The following GNAQ variants were observed in gnomAD, a reference collection of about 807,000 sequenced individuals.
GNAQ encodes guanine nucleotide-binding protein G(q) subunit alpha.
GNAQ carries 8 observed loss-of-function variants against 43.9 expected under a neutral mutation model. The observed-to-expected ratio is 0.18, with a 90% CI of 0.11 to 0.33. The LOEUF (loss-of-function observed/expected upper bound fraction) is 0.33, where lower values mean the gene tolerates loss of function less well. Ranked by LOEUF, GNAQ falls within the 10% of genes least tolerant of loss-of-function variation. The probability of loss-of-function intolerance (pLI) is 1.00; values close to 1 mark genes in which losing one functional copy is unlikely to be tolerated. For synonymous variants in GNAQ, 155 were observed against 170.7 expected (o/e 0.91, Z 0.71); for missense variants, 158 against 450.8 (o/e 0.35, Z 5.88).
At chr9:77,984,049 CAAAAAAAAAAAAAAA>C (rs72279886) in intron 1 of GNAQ, among the ~76,000 whole-genome samples, 3 of 67,980 alleles carry the variant, frequency 4.4e-5, no homozygotes, top group African/African-American at 5.6e-5. Flanking sequence ...TTTTGGAGAG[CAAAAAAAAAAAAAAA>C]AAAAAAAAAA....
chr9:77,998,406 T>C (rs879422864), intron 1 of GNAQ, among the ~76,000 whole-genome samples: 1 of 152,238 alleles, frequency 6.6e-6, no homozygotes, highest in African/African-American at 2.4e-5. Context: ...CATTGCCTAA[T>C]GCTGAACAGC....
chr9:77,930,886 A>G (rs1279376378), intron 1 of GNAQ, among the ~76,000 whole-genome samples: 5 of 152,100 alleles, frequency 3.3e-5, no homozygotes, highest in Admixed American at 3.3e-4. Flanking sequence ...GCCGCACAGC[A>G]AGAGAGTGGC....
intron 5 of GNAQ, among the ~76,000 whole-genome samples, chr9:77,780,166 T>G (rs1303654721): frequency 6.6e-6 from 1 of 151,940 alleles, no homozygotes; most frequent in Non-Finnish European, 1.5e-5. Flanking sequence ...TTTCAAAATA[T>G]ATAACATTTT....
At chr9:77,821,270 C>T (rs1461629485) in intron 2 of GNAQ, among the ~76,000 whole-genome samples, 5 of 151,992 alleles carry the variant, frequency 3.3e-5, no homozygotes, top group Non-Finnish European at 1.5e-5. Context: ...AACTACAATT[C>T]TCCTCTTGGT....
intron 1 of GNAQ, among the ~76,000 whole-genome samples, chr9:78,030,016 T>A (rs569363866): frequency 2.5e-4 from 38 of 152,308 alleles, no homozygotes; most frequent in Admixed American, 4.6e-4. Context: ...ATCAATAAAT[T>A]TCTATTTGAG....
intron 2 of GNAQ, among the ~76,000 whole-genome samples, chr9:77,856,507 G>C (rs1271922924): frequency 6.6e-6 from 1 of 152,120 alleles, no homozygotes; most frequent in Non-Finnish European, 1.5e-5. Flanking sequence ...AATAATATCA[G>C]TATTTCATAC....
chr9:78,015,031 AC>A (rs546967893), intron 1 of GNAQ, among the ~76,000 whole-genome samples: 110 of 152,252 alleles, frequency 7.2e-4, no homozygotes, highest in Admixed American at 1.2e-3. Flanking sequence ...CATGTCCTAG[AC>A]CCTCACATTC....
chr9:77,972,514 C>G (rs911222725), intron 1 of GNAQ, among the ~76,000 whole-genome samples: 9 of 152,040 alleles, frequency 5.9e-5, no homozygotes, highest in African/African-American at 2.2e-4. Context: ...ATGTGAAAAA[C>G]CCAACAGCTT....
At chr9:77,977,463 CA>C (rs1823316286) in intron 1 of GNAQ, among the ~76,000 whole-genome samples, 1 of 152,016 alleles carries the variant, frequency 6.6e-6, no homozygotes, top group Non-Finnish European at 1.5e-5. Context: ...GAAAAAAAAA[CA>C]ACAGCAGCTA....
chr9:77,820,147 C>CTA (rs1472471794), intron 2 of GNAQ, among the ~76,000 whole-genome samples: 3 of 149,450 alleles, frequency 2.0e-5, no homozygotes, highest in Non-Finnish European at 4.4e-5. Flanking sequence ...GTACAAATAC[C>CTA]TACTAGATTC....
intron 5 of GNAQ, among the ~76,000 whole-genome samples, chr9:77,754,271 A>C (rs1171028285): frequency 6.6e-6 from 1 of 152,110 alleles, no homozygotes; most frequent in African/African-American, 2.4e-5. Flanking sequence ...CTGCATTCTG[A>C]CTGCCATTTT....
Position 77,723,715 on chromosome 9 carries a change from A to G in GNAQ, c.890-2202T>C, listed in dbSNP as rs550700071. The stretch of plus-strand genomic sequence containing the variant: ...ACAAATATTGTATGCTTGCACACAT[A>G]TGACGTACTTAGAATTGGTAAACTC... On this transcript the variant is annotated intron_variant, in intron 6 of 6. Coordinates refer to ENST00000286548, the MANE Select transcript of GNAQ (RefSeq NM_002072.5). Among the ~76,000 whole-genome samples, 226 of 152,248 alleles carry G rather than the reference A, an allele frequency of 1.5e-3. 1 individual carries two copies. Among genetic ancestry groups the G allele is most frequent in the Non-Finnish European group, 2.5e-3 (167 of 68,042 alleles).
chr9:77,857,872 GTTT>G lies in GNAQ; in HGVS notation c.322-42105_322-42103del, dbSNP rs34145434. Among the ~76,000 whole-genome samples, 12 of 146,314 alleles carry G rather than the reference GTTT, an allele frequency of 8.2e-5. No homozygotes were observed. The East Asian group carries it at 1.6e-3, about 20-fold the overall frequency. On this transcript the variant is annotated intron_variant, in intron 2 of 6. Coordinates refer to ENST00000286548, the MANE Select transcript of GNAQ (RefSeq NM_002072.5). ...AAAACATTTTGAGAAGGCAATAAAGGTTTTTTTTTTTTTCCAGTTCTGAATTGA... is the reference window on the plus strand; with the variant it reads ...AAAACATTTTGAGAAGGCAATAAAGGTTTTTTTTTTCCAGTTCTGAATTGA...
intron 2 of GNAQ, among the ~76,000 whole-genome samples, chr9:77,862,795 T>C (rs1325097446): frequency 2.0e-5 from 3 of 152,262 alleles, no homozygotes; most frequent in South Asian, 4.1e-4. Context: ...TGTCAGACTA[T>C]AAATTTTCTG....
rs530715179 is a variant in GNAQ at position 77,958,546 on chromosome 9, T to C, written c.137-36201A>G. On this transcript the variant is annotated intron_variant, in intron 1 of 6. Coordinates refer to ENST00000286548, the MANE Select transcript of GNAQ (RefSeq NM_002072.5). Reference sequence around the variant, plus strand: ...TAGAAAATTGACAGAATGTAAGAATTGTTATACATAAAACTGACAAATATT... The same window carrying C: ...TAGAAAATTGACAGAATGTAAGAATCGTTATACATAAAACTGACAAATATT... Among the ~76,000 whole-genome samples, 5 of 152,364 alleles carry C rather than the reference T, an allele frequency of 3.3e-5. No individual in the cohort carries two copies. The South Asian group carries it at 1.0e-3, about 32-fold the overall frequency.
intron 2 of GNAQ, among the ~76,000 whole-genome samples, chr9:77,907,951 G>A (rs528510789): frequency 6.6e-6 from 1 of 152,096 alleles, no homozygotes; most frequent in East Asian, 1.9e-4. Flanking sequence ...TCAAGTATAC[G>A]AGCTGCCTTT....
At chr9:77,880,073 T>C (rs1247123918) in intron 2 of GNAQ, among the ~76,000 whole-genome samples, 4 of 152,218 alleles carry the variant, frequency 2.6e-5, no homozygotes, top group Admixed American at 6.5e-5. Context: ...TATCTCATAA[T>C]TGATGGTATT....
At chr9:77,894,269 A>C (rs1828450824) in intron 2 of GNAQ, among the ~76,000 whole-genome samples, 1 of 142,418 alleles carries the variant, frequency 7.0e-6, no homozygotes, top group African/African-American at 2.6e-5. Flanking sequence ...GTCATAAAAG[A>C]AGCAGTATTG....
At chr9:77,759,403 T>G (rs1281607742) in intron 5 of GNAQ, among the ~76,000 whole-genome samples, 1 of 117,236 alleles carries the variant, frequency 8.5e-6, no homozygotes, top group Non-Finnish European at 1.9e-5. Context: ...TCAAAATGAC[T>G]TTTCATAAGG....
Sources: allele counts gnomAD v4.1 joint callset (sites outside exome capture counted in the v4.1 genomes callset), GRCh38; gene constraint gnomAD v4.1.1; transcripts MANE v1.5; gene names NCBI Gene and HGNC (gene_info 2026-07-23, HGNC 2026-07-21).